PTPRD: variants seen among roughly 807,000 people sequenced by gnomAD.
The protein encoded by PTPRD is receptor-type tyrosine-protein phosphatase delta.
PTPRD carries 34 observed loss-of-function variants against 214.5 expected under a neutral mutation model. The ratio of observed to expected loss-of-function variants is 0.16; its 90% CI spans 0.12 to 0.21. The LOEUF (loss-of-function observed/expected upper bound fraction) is 0.21, where lower values mean the gene tolerates loss of function less well. Ranked by LOEUF, PTPRD falls within the 10% of genes least tolerant of loss-of-function variation. The pLI is 1.00. For missense variants in PTPRD, 2,545 were observed against 2,398.7 expected, an observed-to-expected ratio of 1.06 and a Z score of -1.27; for synonymous variants, 1,128 against 845.7, an observed-to-expected ratio of 1.33 and a Z score of -5.79.
intron 8 of PTPRD, among the ~76,000 whole-genome samples, chr9:9,564,901 T>G (rs972607441): frequency 2.8e-5 from 4 of 141,562 alleles, no homozygotes; most frequent in African/African-American, 1.0e-4. Flanking sequence ...TTTTTTTTTT[T>G]TTTTTTTTTT....
chr9:10,221,415 T>G (rs2099570722), intron 3 of PTPRD, among the ~76,000 whole-genome samples: 1 of 152,026 alleles, frequency 6.6e-6, no homozygotes, highest in South Asian at 2.1e-4. Flanking sequence ...CTATCCTTTT[T>G]CCTAAGGGAT....
At chr9:8,863,448 C>G (rs1009773336) in intron 11 of PTPRD, among the ~76,000 whole-genome samples, 1 of 152,108 alleles carries the variant, frequency 6.6e-6, no homozygotes, top group Non-Finnish European at 1.5e-5. Context: ...TTTCCTATTT[C>G]TTTTTTGTTG....
At chr9:10,556,156 G>C (rs2062537851) in intron 2 of PTPRD, among the ~76,000 whole-genome samples, 1 of 151,944 alleles carries the variant, frequency 6.6e-6, no homozygotes, top group South Asian at 2.1e-4. Context: ...TTACTCAATA[G>C]TATTTTTGTA....
intron 5 of PTPRD, among the ~76,000 whole-genome samples, chr9:9,908,984 A>C (rs1479448697): frequency 6.6e-6 from 1 of 151,982 alleles, no homozygotes; most frequent in African/African-American, 2.4e-5. Context: ...GTGGTTTAAA[A>C]TTGACATGAT....
At chr9:8,493,997 CAG>C (rs2097204219) in intron 26 of PTPRD, among the ~76,000 whole-genome samples, 6 of 145,268 alleles carry the variant, frequency 4.1e-5, no homozygotes, top group South Asian at 2.2e-4. Context: ...CAGACACACA[CAG>C]ACACACAGAC....
intron 9 of PTPRD, among the ~76,000 whole-genome samples, chr9:9,260,871 A>C (rs2099979807): frequency 6.6e-6 from 1 of 151,904 alleles, no homozygotes; most frequent in Non-Finnish European, 1.5e-5. Flanking sequence ...CAAGAAATCC[A>C]AAGTAATGAC....
At chr9:8,781,667 GAAA>G (rs2095703825) in intron 11 of PTPRD, among the ~76,000 whole-genome samples, 1 of 684 alleles carries the variant, frequency 1.5e-3, no homozygotes, top group Admixed American at 0.038. Flanking sequence ...GTGCTTTAAT[GAAA>G]TGAAATGAAT....
At position 9,424,153 on chromosome 9, in the gene PTPRD, T is replaced by TTCA. The variant is rs1175730918; in HGVS notation, c.-236-26672_-236-26671insTGA. ...ATCTGGACCACTTGAAGGGACATCCTAGCTCCAGAGCTGCCCGTGGAATGG... is the reference window on the plus strand; with the variant it reads ...ATCTGGACCACTTGAAGGGACATCCTTCAAGCTCCAGAGCTGCCCGTGGAATGG... On this transcript the variant is annotated intron_variant, in intron 8 of 45. Coordinates refer to ENST00000381196, the MANE Select transcript of PTPRD (RefSeq NM_002839.4). 2.0e-5 allele frequency among the ~76,000 whole-genome samples: 3 copies of TTCA among 152,356 alleles called. No homozygotes were observed. In the East Asian group the frequency reaches 5.8e-4, roughly 29 times the overall value.
In PTPRD at chr9:8,929,142, A is replaced by G. The variant is rs1201632918; in HGVS notation, c.-104+89555T>C. Among the ~76,000 whole-genome samples the G allele has an allele frequency of 5.9e-5, 9 of 152,124 alleles. No individual in the cohort carries two copies. The East Asian group carries it at 1.7e-3, about 29-fold the overall frequency. On this transcript the variant is annotated intron_variant, in intron 11 of 45. Coordinates refer to ENST00000381196, the MANE Select transcript of PTPRD (RefSeq NM_002839.4). ...AATCATGTCATCTGCTAACAGAGAC[A>G]ATTTGACTTCCTCCTTTCCTAACTG...
chr9:10,218,924 A>G (rs1359337565), intron 3 of PTPRD, among the ~76,000 whole-genome samples: 2 of 151,866 alleles, frequency 1.3e-5, no homozygotes, highest in East Asian at 3.9e-4. Flanking sequence ...AATACTGCAT[A>G]TGACATATTT....
At chr9:9,443,752 G>A (rs145700507) in intron 8 of PTPRD, among the ~76,000 whole-genome samples, 1 of 152,264 alleles carries the variant, frequency 6.6e-6, no homozygotes, top group African/African-American at 2.4e-5. Flanking sequence ...AACTGATCTA[G>A]TTGGCACCCA....
chr9:9,964,330 A>T (rs1006351227), intron 4 of PTPRD, among the ~76,000 whole-genome samples: 1 of 152,170 alleles, frequency 6.6e-6, no homozygotes, highest in Non-Finnish European at 1.5e-5. Context: ...AAAATGCATG[A>T]TGTATTTTGA....
chr9:9,928,526 TAA>T (rs1329698871), intron 5 of PTPRD, among the ~76,000 whole-genome samples: 1 of 151,980 alleles, frequency 6.6e-6, no homozygotes, highest in African/African-American at 2.4e-5. Flanking sequence ...TTACACAAAG[TAA>T]AGAGATATTT....
intron 11 of PTPRD, among the ~76,000 whole-genome samples, chr9:8,753,728 T>C (rs1296430835): frequency 6.6e-6 from 1 of 152,158 alleles, no homozygotes; most frequent in African/African-American, 2.4e-5. Flanking sequence ...ATCAAAAATA[T>C]AAAACACTAA....
intron 12 of PTPRD, among the ~76,000 whole-genome samples, chr9:8,724,950 T>C (rs779551245): frequency 6.6e-6 from 1 of 151,848 alleles, no homozygotes; most frequent in African/African-American, 2.4e-5. Context: ...AAATAAATAA[T>C]AATAATAGCT....
At chr9:8,596,622 G>A (rs1564607822) in intron 14 of PTPRD, among the ~76,000 whole-genome samples, 1 of 151,996 alleles carries the variant, frequency 6.6e-6, no homozygotes, top group East Asian at 1.9e-4. Flanking sequence ...TTAAGGAACT[G>A]CAGGTTAATC....
At chr9:10,436,767 C>G (rs961571657) in intron 2 of PTPRD, among the ~76,000 whole-genome samples, 2 of 151,764 alleles carry the variant, frequency 1.3e-5, no homozygotes, top group African/African-American at 4.8e-5. Flanking sequence ...GTCCAAAATA[C>G]TGACAGGTTT....
intron 7 of PTPRD, among the ~76,000 whole-genome samples, chr9:9,646,562 T>C (rs999835343): frequency 3.3e-5 from 5 of 152,168 alleles, no homozygotes; most frequent in African/African-American, 7.2e-5. Context: ...TGAGAATCAA[T>C]GTGTTTTTCA....
intron 11 of PTPRD, among the ~76,000 whole-genome samples, chr9:8,789,022 G>C (rs1050822999): frequency 6.6e-6 from 1 of 152,116 alleles, no homozygotes; most frequent in African/African-American, 2.4e-5. Context: ...ACACAGGACT[G>C]AGTCATTCCA....
Sources: gnomAD v4.1 joint callset for allele counts (sites outside exome capture counted in the v4.1 genomes callset) on GRCh38, gnomAD v4.1.1 for gene constraint, MANE v1.5 for transcripts, NCBI Gene and HGNC (gene_info 2026-07-23, HGNC 2026-07-21) for gene names.